The following DLGAP1 variants were observed in gnomAD, a reference collection of about 807,000 sequenced individuals.
The protein encoded by DLGAP1 is disks large-associated protein 1.
A neutral mutation model predicts 90.8 loss-of-function variants in DLGAP1; 11 were observed. That is an observed-to-expected ratio of 0.12 (90% CI 0.08 to 0.20). The LOEUF (loss-of-function observed/expected upper bound fraction) is 0.20, where lower values mean the gene tolerates loss of function less well. DLGAP1 is among the 10% of genes least tolerant of loss of function. DLGAP1 has a pLI of 1.00. For missense variants in DLGAP1, 1,050 were observed against 1,333.8 expected (o/e 0.79, Z 3.31); for synonymous variants, 558 against 540.7 (o/e 1.03, Z -0.44).
intron 12 of DLGAP1, among the ~76,000 whole-genome samples, chr18:3,501,796 C>T (rs1400151781): frequency 3.9e-5 from 6 of 151,960 alleles, no homozygotes; most frequent in East Asian, 1.9e-4. Flanking sequence ...ATTGGATACC[C>T]GTGTGAGCCT....
intron 11 of DLGAP1, among the ~76,000 whole-genome samples, chr18:3,503,901 GC>G (rs1373614757): frequency 6.6e-6 from 1 of 152,186 alleles, no homozygotes; most frequent in Non-Finnish European, 1.5e-5. Context: ...TTCGAGACCA[GC>G]CTGGCCAACA....
At chr18:3,680,526 G>A (rs1055486129) in intron 7 of DLGAP1, among the ~76,000 whole-genome samples, 2 of 152,154 alleles carry the variant, frequency 1.3e-5, no homozygotes, top group South Asian at 2.1e-4. Context: ...GCTGGCTCAC[G>A]CCTGTAATCC....
intron 12 of DLGAP1, among the ~76,000 whole-genome samples, chr18:3,501,757 G>A (rs970328040): frequency 3.3e-5 from 5 of 152,090 alleles, no homozygotes; most frequent in East Asian, 1.9e-4. Context: ...AAAAAGTCAC[G>A]TTTGACATGC....
rs2083897702 is a variant in DLGAP1 at position 4,453,868 on chromosome 18, CA to C, written c.-267+1137del. Among the ~76,000 whole-genome samples, 3 of 152,168 alleles carry C rather than the reference CA, an allele frequency of 2.0e-5. No individual in the cohort carries two copies. The South Asian group carries it at 6.2e-4, about 32-fold the overall frequency. ...GAGTGAAGAGTCTCGCCTGGATCCA[CA>C]AAAGACGTGACATCTCCCACCCAGC... On this transcript the variant is annotated intron_variant, in intron 1 of 12. Coordinates refer to ENST00000315677, the MANE Select transcript of DLGAP1 (RefSeq NM_004746.4).
chr18:3,877,157 A>G (rs1158337205), intron 4 of DLGAP1, among the ~76,000 whole-genome samples: 1 of 152,220 alleles, frequency 6.6e-6, no homozygotes, highest in Non-Finnish European at 1.5e-5. Flanking sequence ...AGATTAAATG[A>G]AATAAGAAAT....
intron 7 of DLGAP1, among the ~76,000 whole-genome samples, chr18:3,633,538 T>C (rs912518634): frequency 2.6e-5 from 4 of 152,178 alleles, no homozygotes; most frequent in Admixed American, 2.0e-4. Flanking sequence ...GATGATTATG[T>C]ATATGTATGT....
At chr18:3,539,668 A>G (rs556530732) in intron 9 of DLGAP1, among the ~76,000 whole-genome samples, 1 of 152,368 alleles carries the variant, frequency 6.6e-6, no homozygotes, top group Non-Finnish European at 1.5e-5. Flanking sequence ...GGGTAAACTG[A>G]AGAGGTTCCA....
At chr18:3,743,792 G>T (rs901021691) in intron 5 of DLGAP1, among the ~76,000 whole-genome samples, 1 of 152,074 alleles carries the variant, frequency 6.6e-6, no homozygotes, top group Non-Finnish European at 1.5e-5. Flanking sequence ...TGAGACAACA[G>T]GTACACACCA....
chr18:3,688,635 AC>A (rs1392684079), intron 7 of DLGAP1, among the ~76,000 whole-genome samples: 454 of 148,476 alleles, frequency 3.1e-3, no homozygotes, highest in African/African-American at 0.011. Context: ...ACACACACAC[AC>A]ACACACACAC....
intron 2 of DLGAP1, among the ~76,000 whole-genome samples, chr18:4,076,246 C>G (rs1029812772): frequency 6.6e-6 from 1 of 152,086 alleles, no homozygotes; most frequent in African/African-American, 2.4e-5. Context: ...CTTATTGTAG[C>G]AAGTACATTT....
intron 7 of DLGAP1, among the ~76,000 whole-genome samples, chr18:3,703,542 G>A (rs528991008): frequency 1.3e-5 from 2 of 152,362 alleles, no homozygotes; most frequent in East Asian, 1.9e-4. Flanking sequence ...GAGGATGTGT[G>A]TTCAGAGGAG....
chr18:4,031,424 G>GC (rs1346292939), intron 2 of DLGAP1, among the ~76,000 whole-genome samples: 1 of 151,968 alleles, frequency 6.6e-6, no homozygotes, highest in African/African-American at 2.4e-5. Context: ...TAAAATAATG[G>GC]CCCCCTCATG....
At chr18:3,510,414 C>T (rs2050475763) in intron 10 of DLGAP1, among the ~76,000 whole-genome samples, 10 of 152,232 alleles carry the variant, frequency 6.6e-5, no homozygotes, top group Admixed American at 6.5e-4. Flanking sequence ...GTGAGAGCCA[C>T]ACTTGCCCTG....
chr18:3,693,008 T>C (rs1253771218), intron 7 of DLGAP1, among the ~76,000 whole-genome samples: 1 of 152,210 alleles, frequency 6.6e-6, no homozygotes, highest in Non-Finnish European at 1.5e-5. Flanking sequence ...AACTCTTGGC[T>C]TAAGGTATTC....
chr18:3,524,150 C>A (rs1274919575), intron 10 of DLGAP1, among the ~76,000 whole-genome samples: 1 of 152,032 alleles, frequency 6.6e-6, no homozygotes, highest in Admixed American at 6.6e-5. Context: ...TGGCACACAT[C>A]TGTGGTCCCA....
chr18:3,834,395 C>G (rs2068252861), intron 4 of DLGAP1, among the ~76,000 whole-genome samples: 1 of 147,538 alleles, frequency 6.8e-6, no homozygotes, highest in Non-Finnish European at 1.5e-5. Flanking sequence ...GTAGTGAATA[C>G]TGTTCCCCAA....
intron 1 of DLGAP1, among the ~76,000 whole-genome samples, chr18:4,181,719 T>C (rs888412654): frequency 4.6e-5 from 7 of 152,054 alleles, no homozygotes; most frequent in Non-Finnish European, 1.0e-4. Flanking sequence ...AAGTGTCTGG[T>C]ATTTTGACAT....
Position 4,275,137 on chromosome 18 carries a change from A to C in DLGAP1, c.-266-123850T>G, listed in dbSNP as rs79302568. Among the ~76,000 whole-genome samples, 721 of 152,312 alleles carry C rather than the reference A, an allele frequency of 4.7e-3. 5 individuals carry two copies. The highest frequency in any genetic ancestry group is 0.016 in the African/African-American group (667 of 41,576). On this transcript the variant is annotated intron_variant, in intron 1 of 12. Coordinates refer to ENST00000315677, the MANE Select transcript of DLGAP1 (RefSeq NM_004746.4). ...ATGAGAGAGTATCAAAATGCATTTAAAAATCATATACTTTTCATTATTTCC... is the reference window on the plus strand; with the variant it reads ...ATGAGAGAGTATCAAAATGCATTTACAAATCATATACTTTTCATTATTTCC...
At chr18:4,162,147 G>T (rs781134955) in intron 1 of DLGAP1, among the ~76,000 whole-genome samples, 1 of 152,154 alleles carries the variant, frequency 6.6e-6, no homozygotes, top group East Asian at 1.9e-4. Context: ...TTACATCCTG[G>T]CATTGTAATG....
Sources: allele counts gnomAD v4.1 joint callset (sites outside exome capture counted in the v4.1 genomes callset), GRCh38; gene constraint gnomAD v4.1.1; transcripts MANE v1.5; gene names NCBI Gene and HGNC (gene_info 2026-07-23, HGNC 2026-07-21).